RDH5: variants seen among roughly 807,000 people sequenced by gnomAD.
The protein encoded by RDH5 is 11-cis RDH.
Under a neutral mutation model 24.0 loss-of-function variants are expected in RDH5, and 25 were observed. The ratio of observed to expected loss-of-function variants is 1.04; its 90% confidence interval spans 0.76 to 1.46. RDH5 has a LOEUF of 1.46. Ranked by LOEUF, RDH5 falls within the 40% of genes most tolerant of loss-of-function variation. RDH5 has a pLI of 0.00. For missense variants in RDH5, 369 were observed against 410.3 expected, an observed-to-expected ratio of 0.90 and a Z score of 0.87; for synonymous variants, 170 against 175.2, an observed-to-expected ratio of 0.97 and a Z score of 0.23.
intron 3 of RDH5, chr12:55,723,513 A>C: frequency 3.3e-6 from 1 of 301,998 alleles, no homozygotes; most frequent in Non-Finnish European, 6.4e-6. Flanking sequence ...CTCAGTACTC[A>C]AGCCAGATCT....
chr12:55,720,893 A>AG (rs1362671755), intron 1 of RDH5: 3 of 340,530 alleles, frequency 8.8e-6, no homozygotes, highest in Non-Finnish European at 1.1e-5. Flanking sequence ...CAAAAAAAAA[A>AG]AAAAAAAAAA....
intron 3 of RDH5, 107 bp from the exon 4 acceptor site, chr12:55,723,779 T>C: frequency 2.3e-6 from 3 of 1,323,874 alleles, no homozygotes; most frequent in Non-Finnish European, 3.2e-6. Context: ...CCGTCAAAAC[T>C]CTTGTCCCTG....
At position 55,721,960 on chromosome 12, in the gene RDH5, G is replaced by A. The variant is rs1488109986; in HGVS notation, c.569+13G>A. 6.2e-7 allele frequency: 1 copy of A among 1,611,342 alleles called. No individual in the cohort carries two copies. Among genetic ancestry groups the A allele is most frequent in the African/African-American group, 1.3e-5 (1 of 74,892 alleles). Reference sequence around the variant, plus strand: ...CTGACAGCCTGAGGTGAGGGGTACAGGGCTCTGGGTTCCAGGACTAACAGC... The same window carrying A: ...CTGACAGCCTGAGGTGAGGGGTACAAGGCTCTGGGTTCCAGGACTAACAGC... On this transcript the variant is annotated intron_variant, in intron 3 of 4. Transcript: ENST00000257895. The surrounding 1 kb of genome is among the most constrained non-coding windows in gnomAD (Gnocchi z 4.7).
Position 55,721,671 on chromosome 12 carries a change from CT to C in RDH5, c.311-14del. ...GAGTGCCTCACCTACCCCCAGCATC[CT>C]TTTCATCTCCCCACAGGGCTTTTTG... On this transcript the variant is annotated splice_polypyrimidine_tract_variant and intron_variant, in intron 2 of 4. Coordinates refer to ENST00000257895, the MANE Select transcript of RDH5 (RefSeq NM_002905.5). The surrounding 1 kb of genome is among the most constrained non-coding windows in gnomAD (Gnocchi z 4.7). The C allele has an allele frequency of 6.2e-7, 1 of 1,607,372 alleles. No homozygotes were observed.
intron 4 of RDH5, 131 bp downstream of exon 4, chr12:55,724,180 G>C: frequency 3.4e-6 from 5 of 1,453,470 alleles, no homozygotes; most frequent in East Asian, 2.4e-5. Context: ...TGTTACAAGA[G>C]TGCCCAGGCC....
intron 3 of RDH5, chr12:55,723,545 TA>T (rs1433033524): frequency 3.1e-6 from 1 of 323,426 alleles, no homozygotes; most frequent in Non-Finnish European, 6.0e-6. Context: ...TACAAGCTGA[TA>T]ATGGTTTTTT....
chr12:55,723,860 G>C lies in RDH5; in HGVS notation c.570-26G>C, dbSNP rs186400692. 1.2e-3 allele frequency: 2,009 copies of C among 1,611,504 alleles called. 10 individuals carry two copies. The highest frequency in any genetic ancestry group is 5.4e-3 in the Middle Eastern group (33 of 6,060). On this transcript the variant is annotated intron_variant, in intron 3 of 4. Transcript: ENST00000257895. ...CCCCTCCCTATAGGGCAAGAACCCA[G>C]CAACTTCGCTCTGCCCCGACTCTAG...
Position 55,721,544 on chromosome 12 carries a change from A to C in RDH5, c.310+50A>C, listed in dbSNP as rs1160587430. The C allele has an allele frequency of 1.6e-5, 26 of 1,597,056 alleles. No homozygotes were observed. Among genetic ancestry groups the C allele is most frequent in the Non-Finnish European group, 2.1e-5 (25 of 1,176,514 alleles). ...TATGGTGTGGGGTGTCCTGATCCCC[A>C]CAGTCACCCCAGGAGTCACCTGCAA... On this transcript the variant is annotated intron_variant, in intron 2 of 4. Coordinates refer to ENST00000257895, the MANE Select transcript of RDH5 (RefSeq NM_002905.5). The surrounding 1 kb of genome is among the most constrained non-coding windows in gnomAD (Gnocchi z 4.7).
In RDH5 at chr12:55,724,456, C is replaced by G. The variant is rs747289354; in HGVS notation, c.868C>G (p.Leu290Val). ...RYSPGWDAKLLWLPASYLPAS... is the reference protein window; with the variant it reads ...RYSPGWDAKLVWLPASYLPAS... ...CAGCCCAGGTTGGGATGCCAAGCTGCTCTGGCTGCCTGCCTCCTACCTGCC... is the reference window on the plus strand; with the variant it reads ...CAGCCCAGGTTGGGATGCCAAGCTGGTCTGGCTGCCTGCCTCCTACCTGCC... The change falls in exon 5 of 5, where the codon CTC becomes GTC. Residue 290 changes from leucine (L) to valine (V), a missense_variant. Coordinates refer to ENST00000257895, the MANE Select transcript of RDH5 (RefSeq NM_002905.5). 6.2e-7 allele frequency: 1 copy of G among 1,614,080 alleles called. No homozygotes were observed. Among genetic ancestry groups the G allele is most frequent in the Non-Finnish European group, 8.5e-7 (1 of 1,180,034 alleles).
chr12:55,723,610 T>C, intron 3 of RDH5: 1 of 451,996 alleles, frequency 2.2e-6, no homozygotes, highest in Non-Finnish European at 4.1e-6. Context: ...GATAATATCA[T>C]TAATTTTGTT....
chr12:55,724,551 G>C lies in RDH5; in HGVS notation c.*6G>C, dbSNP rs757488950. 9 of 1,608,304 alleles carry C rather than the reference G, an allele frequency of 5.6e-6. No individual in the cohort carries two copies. In the African/African-American group the frequency reaches 6.7e-5, roughly 12 times the overall value. On this transcript the variant is annotated 3_prime_UTR_variant, in exon 5 of 5. Coordinates refer to ENST00000257895, the MANE Select transcript of RDH5 (RefSeq NM_002905.5). ...CTGCCCAAGCAGTCTACTGAATCCA[G>C]CCTTCCAGCAAGAGATTGTTTTTCA...
intron 3 of RDH5, 96 bp from the exon 4 acceptor site, chr12:55,723,790 G>T (rs1381054196): frequency 7.1e-7 from 1 of 1,414,942 alleles, no homozygotes; most frequent in Non-Finnish European, 9.9e-7. Flanking sequence ...CTTGTCCCTG[G>T]TCTGTGGTAA....
intron 4 of RDH5, 102 bp downstream of exon 4, chr12:55,724,151 G>C: frequency 6.7e-7 from 1 of 1,490,744 alleles, no homozygotes; most frequent in Non-Finnish European, 9.1e-7. Flanking sequence ...ACCCAGGGCA[G>C]GGTTGAGGGT....
At chr12:55,723,807 C>G (rs1261849368) in intron 3 of RDH5, 79 bp from the exon 4 acceptor site, 2 of 1,547,796 alleles carry the variant, frequency 1.3e-6, no homozygotes, top group East Asian at 2.2e-5. Context: ...GTAACTTTCT[C>G]AGCTCCCCAA....
chr12:55,724,264 C>T, intron 4 of RDH5, 58 bp from the exon 5 acceptor site: 1 of 1,593,196 alleles, frequency 6.3e-7, no homozygotes, highest in African/African-American at 1.3e-5. Context: ...GAAGACAGTA[C>T]CTAAGATGGG....
chr12:55,721,398 GCCT>G lies in RDH5; in HGVS notation c.220_222del (p.Ser74del). 6.2e-7 allele frequency: 1 copy of G among 1,613,790 alleles called. No individual in the cohort carries two copies. Among genetic ancestry groups the G allele is most frequent in the Non-Finnish European group, 8.5e-7 (1 of 1,180,028 alleles). On this transcript the variant is annotated inframe_deletion, in exon 2 of 5. Coordinates refer to ENST00000257895, the MANE Select transcript of RDH5 (RefSeq NM_002905.5). The surrounding 1 kb of genome is among the most constrained non-coding windows in gnomAD (Gnocchi z 4.7). ...CGGGGCCGAGGACCTGCAGCGGGTG[GCCT>G]CCTCCCGCCTCCACACCACCCTGTT...
At position 55,721,240 on chromosome 12, in the gene RDH5, G is replaced by A. The variant is rs370781214; in HGVS notation, c.56G>A (p.Arg19Lys). Residue 19 changes from arginine (R) to lysine (K), a missense_variant, in exon 2 of 5, where the codon AGG becomes AAG. Physicochemically the swap from Arg to Lys is conservative, Grantham distance 26 (BLOSUM62 2). Coordinates refer to ENST00000257895, the MANE Select transcript of RDH5 (RefSeq NM_002905.5). This position sits in a 1 kb window ranked among gnomAD's most constrained non-coding sequence, Gnocchi z 4.7. ...ALLWAVLWLLRDRQSLPASNA... is the reference protein window; with the variant it reads ...ALLWAVLWLLKDRQSLPASNA... The stretch of plus-strand genomic sequence containing the variant: ...CTCTGGGCAGTGCTGTGGTTGCTCA[G>A]GGACCGGCAGAGCCTGCCCGCCAGC... 6.2e-7 allele frequency: 1 copy of A among 1,613,918 alleles called. No homozygotes were observed. The highest frequency in any genetic ancestry group is 8.5e-7 in the Non-Finnish European group (1 of 1,180,042).
rs1877118893 is a variant in RDH5 at position 55,724,636 on chromosome 12, A to G, written c.*91A>G. Reference sequence around the variant, plus strand: ...CTGGTACTGCCTGGTGCCTGCCACAAAATAAGCACTAACAAAAGTGTATTG... The same window carrying G: ...CTGGTACTGCCTGGTGCCTGCCACAGAATAAGCACTAACAAAAGTGTATTG... On this transcript the variant is annotated 3_prime_UTR_variant, in exon 5 of 5. Transcript: ENST00000257895. 4 of 1,130,508 alleles carry G rather than the reference A, an allele frequency of 3.5e-6. No homozygotes were observed. In the African/African-American group the frequency reaches 6.1e-5, roughly 17 times the overall value. The allele number at this position is 1,130,508 out of a possible 1,614,324, so 70.0% of individuals were successfully genotyped here. A position where few individuals can be genotyped will look rare whatever the true frequency, so the allele number is the denominator to read the frequency against.
intron 4 of RDH5, 61 bp downstream of exon 4, chr12:55,724,110 C>T: frequency 6.4e-7 from 1 of 1,565,336 alleles, no homozygotes; most frequent in African/African-American, 1.4e-5. Context: ...AAGGCCAGTC[C>T]TGCATAAGCC....
Sources: allele counts gnomAD v4.1 joint callset, GRCh38; gene constraint gnomAD v4.1.1; non-coding constraint Gnocchi (gnomAD v3.1); transcripts MANE v1.5; gene names NCBI Gene and HGNC (gene_info 2026-07-23, HGNC 2026-07-21).